Variants in AGAP1 observed in about 807,000 individuals in gnomAD.
AGAP1 encodes the protein ArfGAP with GTPase domain, ankyrin repeat and PH domain 1.
Under a neutral mutation model 105.3 loss-of-function variants are expected in AGAP1, and 29 were observed. That is an observed-to-expected ratio of 0.28 (90% CI 0.21 to 0.38). AGAP1 has a LOEUF of 0.38. Ranked by LOEUF, AGAP1 falls within the 10% of genes least tolerant of loss-of-function variation. The pLI, the probability that AGAP1 is intolerant of heterozygous loss-of-function variation, is 1.00. For synonymous variants in AGAP1, 509 were observed against 485.9 expected, an observed-to-expected ratio of 1.05 and a Z score of -0.63; for missense variants, 998 against 1,165.1, an observed-to-expected ratio of 0.86 and a Z score of 2.09.
intron 1 of AGAP1, among the ~76,000 whole-genome samples, chr2:235,532,834 G>A (rs1311721962): frequency 6.6e-6 from 1 of 152,166 alleles, no homozygotes; most frequent in Non-Finnish European, 1.5e-5. Context: ...CCTGGCAGCC[G>A]GTGCATGGCT....
intron 1 of AGAP1, among the ~76,000 whole-genome samples, chr2:235,579,289 G>A (rs975255164): frequency 6.6e-6 from 1 of 152,120 alleles, no homozygotes; most frequent in African/African-American, 2.4e-5. Flanking sequence ...AATCCTTCCT[G>A]GTGTGACGTA....
At chr2:235,817,586 C>A (rs1002644897) in intron 9 of AGAP1, among the ~76,000 whole-genome samples, 4 of 152,024 alleles carry the variant, frequency 2.6e-5, no homozygotes, top group African/African-American at 9.7e-5. Flanking sequence ...ATAAAGTAGG[C>A]ATAGAAGAGT....
At chr2:235,913,753 C>CA in intron 11 of AGAP1, among the ~76,000 whole-genome samples, 2 of 152,264 alleles carry the variant, frequency 1.3e-5, no homozygotes, top group South Asian at 4.1e-4. Context: ...ATAATCCCCT[C>CA]ATTGGTGCAC....
In AGAP1 at chr2:235,865,998, C is replaced by T. The variant is rs192776692; in HGVS notation, c.1051-17347C>T. On this transcript the variant is annotated intron_variant, in intron 9 of 17. Coordinates refer to ENST00000304032, the MANE Select transcript of AGAP1 (RefSeq NM_001037131.3). The surrounding 1 kb of genome is among the most constrained non-coding windows in gnomAD (Gnocchi z 6.2). Reference sequence around the variant, plus strand: ...TTTCTGCAGCTTGAATGAAAGCTGTCTCGATCCATGTATGTCTGTGTATCT... The same window carrying T: ...TTTCTGCAGCTTGAATGAAAGCTGTTTCGATCCATGTATGTCTGTGTATCT... 1.9e-3 allele frequency among the ~76,000 whole-genome samples: 287 copies of T among 152,284 alleles called. No individual in the cohort carries two copies. Among genetic ancestry groups the T allele is most frequent in the African/African-American group, 5.6e-3 (233 of 41,560 alleles).
intron 16 of AGAP1, 64 bp downstream of exon 16, chr2:236,049,345 A>G: frequency 6.8e-7 from 1 of 1,481,414 alleles, no homozygotes; most frequent in Non-Finnish European, 9.3e-7. Flanking sequence ...ACTGGAAGTG[A>G]TCATAATGAC....
chr2:236,048,294 C>T (rs192498803), intron 15 of AGAP1, among the ~76,000 whole-genome samples: 17 of 152,368 alleles, frequency 1.1e-4, no homozygotes, highest in Admixed American at 1.0e-3. Flanking sequence ...TGCTCCAGTT[C>T]TGGGGTCCCA....
In AGAP1 at chr2:235,957,793, C is replaced by T. The variant is rs955309952; in HGVS notation, c.1484-10669C>T. On this transcript the variant is annotated intron_variant, in intron 12 of 17. Transcript: ENST00000304032. The surrounding 1 kb of genome is among the most constrained non-coding windows in gnomAD (Gnocchi z 4.6). The stretch of plus-strand genomic sequence containing the variant: ...CGTTGGCCGTGTATCAAAGGAAGTG[C>T]GTTTTAATTTACGAGTTCCTACAAC... Among the ~76,000 whole-genome samples, 8 of 152,152 alleles carry T rather than the reference C, an allele frequency of 5.3e-5. No individual in the cohort carries two copies. The highest frequency in any genetic ancestry group is 1.9e-4 in the African/African-American group (8 of 41,438).
At chr2:236,107,145 A>T (rs1245761746) in intron 16 of AGAP1, among the ~76,000 whole-genome samples, 2 of 142,254 alleles carry the variant, frequency 1.4e-5, no homozygotes, top group Non-Finnish European at 3.1e-5. Flanking sequence ...CTCCTGCGGA[A>T]CCTCAAACTT....
chr2:235,874,756 G>A lies in AGAP1; in HGVS notation c.1051-8589G>A, dbSNP rs1372844735. 6.6e-6 allele frequency among the ~76,000 whole-genome samples: 1 copy of A among 152,174 alleles called. No individual in the cohort carries two copies. The highest frequency in any genetic ancestry group is 1.9e-4 in the East Asian group (1 of 5,188). On this transcript the variant is annotated intron_variant, in intron 9 of 17. Coordinates refer to ENST00000304032, the MANE Select transcript of AGAP1 (RefSeq NM_001037131.3). This position sits in a 1 kb window ranked among gnomAD's most constrained non-coding sequence, Gnocchi z 4.5. ...GTGAAAGAGAAGGCACTCATGTATA[G>A]AACTCATTACAAAGATAGCATTACT...
chr2:236,057,067 A>G (rs1399930832), intron 16 of AGAP1, among the ~76,000 whole-genome samples: 4 of 152,206 alleles, frequency 2.6e-5, no homozygotes, highest in Non-Finnish European at 4.4e-5. Context: ...TTATAGTAAT[A>G]TAAGTAATCA....
At chr2:235,730,637 T>C (rs1951895817) in intron 3 of AGAP1, among the ~76,000 whole-genome samples, 1 of 152,142 alleles carries the variant, frequency 6.6e-6, no homozygotes, top group Non-Finnish European at 1.5e-5. Context: ...TGAGCTACCA[T>C]GCCATTTACC....
At chr2:235,995,023 C>CA (rs1559172521) in intron 13 of AGAP1, among the ~76,000 whole-genome samples, 9 of 63,448 alleles carry the variant, frequency 1.4e-4, no homozygotes, top group African/African-American at 4.5e-4. Flanking sequence ...GCCGAGATCG[C>CA]GCCTTGCACT....
In AGAP1 at chr2:236,125,137, G is replaced by A. The variant is rs1156230814; in HGVS notation, c.*1015G>A. The A allele has an allele frequency of 6.1e-6, 1 of 162,852 alleles. No individual in the cohort carries two copies. The highest frequency in any genetic ancestry group is 1.5e-5 in the Non-Finnish European group (1 of 68,094). 10.1% of individuals were successfully genotyped at this position (162,852 alleles called of 1,614,324 possible). ...ATATTTGATGTCCTTTTGCCGAGGT[G>A]GATGTGTTAGTCTCAGGCCCTCCTG... On this transcript the variant is annotated 3_prime_UTR_variant, in exon 18 of 18. Transcript: ENST00000304032. This position sits in a 1 kb window ranked among gnomAD's most constrained non-coding sequence, Gnocchi z 5.2.
At chr2:236,098,211 T>C (rs2059243360) in intron 16 of AGAP1, among the ~76,000 whole-genome samples, 1 of 152,196 alleles carries the variant, frequency 6.6e-6, no homozygotes, top group East Asian at 1.9e-4. Context: ...AGAAGTGGGA[T>C]TGCTGGACTA....
chr2:235,937,930 C>G (rs1360605646), intron 12 of AGAP1, among the ~76,000 whole-genome samples: 5 of 152,330 alleles, frequency 3.3e-5, no homozygotes, highest in Non-Finnish European at 5.9e-5. Flanking sequence ...CTTCCTTGGC[C>G]CCTTCCAGCT....
intron 3 of AGAP1, among the ~76,000 whole-genome samples, chr2:235,735,017 C>T (rs1357361653): frequency 1.7e-5 from 2 of 117,334 alleles, no homozygotes; most frequent in African/African-American, 2.7e-5. Context: ...TGTATCCTGC[C>T]GCGCACTGGC....
At chr2:235,532,789 G>A (rs371613840) in intron 1 of AGAP1, among the ~76,000 whole-genome samples, 18 of 152,316 alleles carry the variant, frequency 1.2e-4, no homozygotes, top group East Asian at 3.9e-4. Flanking sequence ...TGTTTGGTGC[G>A]TGGGTGCAGT....
At chr2:236,064,716 G>C (rs2058297991) in intron 16 of AGAP1, among the ~76,000 whole-genome samples, 1 of 152,202 alleles carries the variant, frequency 6.6e-6, no homozygotes, top group Admixed American at 6.5e-5. Flanking sequence ...CCAGCTGATT[G>C]CTGGTATCCT....
chr2:235,731,106 C>T (rs1951923185), intron 3 of AGAP1, among the ~76,000 whole-genome samples: 2 of 152,186 alleles, frequency 1.3e-5, no homozygotes, highest in South Asian at 2.1e-4. Flanking sequence ...CTGTGTCTGA[C>T]ATGTAATGGG....
Sources: allele counts gnomAD v4.1 joint callset (sites outside exome capture counted in the v4.1 genomes callset), GRCh38; gene constraint gnomAD v4.1.1; non-coding constraint Gnocchi (gnomAD v3.1); transcripts MANE v1.5; gene names NCBI Gene and HGNC (gene_info 2026-07-23, HGNC 2026-07-21).